ALAD: variants seen among roughly 807,000 people sequenced by gnomAD.
The protein encoded by ALAD is aminolevulinate dehydratase.
Under a neutral mutation model 44.4 loss-of-function variants are expected in ALAD, and 20 were observed. The ratio of observed to expected loss-of-function variants is 0.45; its 90% CI spans 0.32 to 0.65. ALAD has a LOEUF of 0.65. Ranked by LOEUF, ALAD falls within the 30% of genes least tolerant of loss-of-function variation. The pLI, the probability that ALAD is intolerant of heterozygous loss-of-function variation, is 0.05. For synonymous variants in ALAD, 156 were observed against 167.9 expected, an observed-to-expected ratio of 0.93 and a Z score of 0.55; for missense variants, 323 against 445.7, an observed-to-expected ratio of 0.72 and a Z score of 2.48.
In ALAD at chr9:113,388,299, A is replaced by C. The variant is rs769534528; in HGVS notation, c.*1T>G. On this transcript the variant is annotated 3_prime_UTR_variant, in exon 12 of 12. Coordinates refer to ENST00000409155, the MANE Select transcript of ALAD (RefSeq NM_000031.6). ...AGTTCTTGGGCCTGGCACTGTCTCC[A>C]TCATTCCTCCTTCAGCCACTGCAGC... The C allele has an allele frequency of 1.2e-6, 2 of 1,614,164 alleles. No homozygotes were observed. The highest frequency in any genetic ancestry group is 2.2e-5 in the East Asian group (1 of 44,882).
chr9:113,400,914 C>T (rs796130727), intron 1 of ALAD, among the ~76,000 whole-genome samples: 4 of 152,328 alleles, frequency 2.6e-5, no homozygotes, highest in African/African-American at 9.6e-5. Context: ...CCCTACCCCC[C>T]CACCAACCAC....
intron 2 of ALAD, 71 bp from the exon 3 acceptor site, chr9:113,392,240 G>C (rs906607784): frequency 6.2e-7 from 1 of 1,610,644 alleles, no homozygotes; most frequent in Admixed American, 1.7e-5. Flanking sequence ...CGACTGAGAG[G>C]GATGGTTGGG....
chr9:113,393,510 C>A lies in ALAD; in HGVS notation c.50G>T (p.Arg17Leu). ...GGTGGTGGTGGCTGTCTGCCAGGCC[C>A]GAAGTAGTGGGTGGAAGTAGCCGCT... ...LHSGYFHPLL[R>L]AWQTATTTLN... Residue 17 changes from arginine (R) to leucine (L), a missense_variant, in exon 2 of 12, where the codon CGG becomes CTG. Arg to Leu is a moderately radical substitution (Grantham distance 102). Transcript: ENST00000409155. The A allele has an allele frequency of 6.2e-7, 1 of 1,613,988 alleles. No homozygotes were observed. Among genetic ancestry groups the A allele is most frequent in the Non-Finnish European group, 8.5e-7 (1 of 1,180,028 alleles).
chr9:113,398,809 T>A (rs1827794146), intron 1 of ALAD, among the ~76,000 whole-genome samples: 2 of 152,172 alleles, frequency 1.3e-5, no homozygotes, highest in Non-Finnish European at 2.9e-5. Context: ...TAAGAGGTAC[T>A]TAATAAGTGG....
At chr9:113,390,363 G>C (rs1294820665) in intron 7 of ALAD, 42 bp downstream of exon 7, 2 of 1,586,772 alleles carry the variant, frequency 1.3e-6, no homozygotes, top group East Asian at 4.5e-5. Flanking sequence ...GGCTGGTGCA[G>C]ACTATCTCCT....
intron 2 of ALAD, chr9:113,392,370 G>A (rs1564373525): frequency 7.0e-7 from 1 of 1,421,278 alleles, no homozygotes; most frequent in Non-Finnish European, 9.4e-7. Context: ...GAATAACAGT[G>A]ACAACACTAG....
chr9:113,388,371 G>C lies in ALAD; in HGVS notation c.932-10C>G, dbSNP rs377627387. ...ATGATGATGTCAGCACCTGTGTTGG[G>C]AGAGATGCAGAAAGTTGCTGGGGGG... On this transcript the variant is annotated splice_polypyrimidine_tract_variant and intron_variant, in intron 11 of 11. Transcript: ENST00000409155. 4 of 1,613,826 alleles carry C rather than the reference G, an allele frequency of 2.5e-6. No individual in the cohort carries two copies. The highest frequency in any genetic ancestry group is 2.2e-5 in the South Asian group (2 of 91,062).
At position 113,389,058 on chromosome 9, in the gene ALAD, T is replaced by C. The variant is rs1827490694; in HGVS notation, c.850A>G (p.Met284Val). The change falls in exon 11 of 12, where the codon ATG becomes GTG. Residue 284 changes from methionine to valine, a missense_variant. Physicochemically the swap from Met to Val is conservative, Grantham distance 21. Transcript: ENST00000409155. ...CCGGCCTGGGCTCCATGCCACAGCATGGCAAACTCTCCAGAGACGTGGTAC... is the reference window on the plus strand; with the variant it reads ...CCGGCCTGGGCTCCATGCCACAGCACGGCAAACTCTCCAGAGACGTGGTAC... ...AVYHVSGEFA[M>V]LWHGAQAGAF... is the part of the protein sequence containing the mutation. 1.9e-6 allele frequency: 3 copies of C among 1,613,958 alleles called. No individual in the cohort carries two copies. The highest frequency in any genetic ancestry group is 1.3e-5 in the African/African-American group (1 of 75,054).
rs946775117 is a variant in ALAD, at chr9:113,393,179, C to T, written c.113+268G>A. 1.9e-5 allele frequency: 10 copies of T among 516,750 alleles called. 1 individual carries two copies. The highest frequency in any genetic ancestry group is 1.0e-4 in the South Asian group (5 of 49,400). 32.0% of individuals were successfully genotyped at this position (516,750 alleles called of 1,614,324 possible). On this transcript the variant is annotated intron_variant, in intron 2 of 11. Coordinates refer to ENST00000409155, the MANE Select transcript of ALAD (RefSeq NM_000031.6). ...TACAATGTACAGAGCACCTTCTCAG[C>T]TTCTGTCTTACTGCAAGAGCTCAGG... is the stretch of plus-strand genomic sequence containing the variant.
rs374069780 is a variant in ALAD, at chr9:113,389,459, G to T, written c.780C>A (p.Ile260=). ...MVKPGMPYLD[I]VREVKDKHPD... is the part of the protein sequence containing the mutation. The stretch of plus-strand genomic sequence containing the variant: ...TCACCTTGTCCTTTACCTCCCGCAC[G>T]ATGTCCAGGTAGGGCATTCCCGGCT... Residue 260 remains isoleucine (I), a synonymous_variant, in exon 10 of 12, where the codon ATC becomes ATA. Transcript: ENST00000409155. 138 of 1,613,656 alleles carry T rather than the reference G, an allele frequency of 8.6e-5. No homozygotes were observed. Among genetic ancestry groups the T allele is most frequent in the Non-Finnish European group, 1.1e-4 (131 of 1,180,036 alleles).
intron 10 of ALAD, 103 bp downstream of exon 10, chr9:113,389,335 A>C: frequency 7.1e-7 from 1 of 1,414,554 alleles, no homozygotes; most frequent in Non-Finnish European, 9.9e-7. Flanking sequence ...GGAGGAGAGG[A>C]TGCATGCTTA....
In ALAD at chr9:113,389,541, T is replaced by C; in HGVS notation, c.715-17A>G. ...ATCCCGGTCCTAAGGGATGAGGGTATAATGTGGGTGGTGCCTAGGAGGGGG... is the reference window on the plus strand; with the variant it reads ...ATCCCGGTCCTAAGGGATGAGGGTACAATGTGGGTGGTGCCTAGGAGGGGG... On this transcript the variant is annotated splice_polypyrimidine_tract_variant and intron_variant, in intron 9 of 11. Transcript: ENST00000409155. 1 of 1,614,140 alleles carries C rather than the reference T, an allele frequency of 6.2e-7. No homozygotes were observed. The highest frequency in any genetic ancestry group is 1.7e-4 in the Middle Eastern group (1 of 6,056).
chr9:113,393,418 A>C, intron 2 of ALAD, 29 bp downstream of exon 2: 2 of 1,278,724 alleles, frequency 1.6e-6, no homozygotes, highest in Non-Finnish European at 2.2e-6. Flanking sequence ...CCAGCAGAGC[A>C]GAGGCCTGGC....
rs1564369769 is a variant in ALAD, at chr9:113,389,798, C to G, written c.601G>C (p.Ala201Pro). Residue 201 changes from alanine to proline, a missense_variant, in exon 8 of 12, where the codon GCT becomes CCT. Physicochemically the swap from Ala to Pro is conservative, Grantham distance 27. Transcript: ENST00000409155. ...CGGAAAGGGCCATAGAAACAGGAAG[C>G]AAATTTGGCACTGTAGCTCATCACC... is the stretch of plus-strand genomic sequence containing the variant. ...VSVMSYSAKFASCFYGPFRDA... is the reference protein window; with the variant it reads ...VSVMSYSAKFPSCFYGPFRDA... 1 of 1,614,226 alleles carries G rather than the reference C, an allele frequency of 6.2e-7. No individual in the cohort carries two copies. Among genetic ancestry groups the G allele is most frequent in the East Asian group, 2.2e-5 (1 of 44,884 alleles).
At chr9:113,389,323 G>C in intron 10 of ALAD, 115 bp downstream of exon 10, 1 of 1,358,556 alleles carries the variant, frequency 7.4e-7, no homozygotes, top group Non-Finnish European at 1.0e-6. Context: ...GGGCAGGGAA[G>C]GGGAGGAGAG....
At chr9:113,392,943 A>C (rs1439656084) in intron 2 of ALAD, among the ~76,000 whole-genome samples, 4 of 147,420 alleles carry the variant, frequency 2.7e-5, no homozygotes, top group African/African-American at 5.1e-5. Context: ...TCAGCCTCCC[A>C]AGTAGCTGGG....
rs933972600 is a variant in ALAD, at chr9:113,391,617, A to C, written c.171T>G (p.Gly57=). The C allele has an allele frequency of 6.2e-7, 1 of 1,613,824 alleles. No homozygotes were observed. The highest frequency in any genetic ancestry group is 8.5e-7 in the Non-Finnish European group (1 of 1,179,850). ...ITSLPGVARY[G]VKRLEEMLRP... ...TCAGCATCTCTTCCAGCCGCTTCAC[A>C]CCATACCTGTGTGGGTGTGGGTAGA... The change falls in exon 4 of 12, where the codon GGT becomes GGG. Residue 57 remains glycine (G), a synonymous_variant. Coordinates refer to ENST00000409155, the MANE Select transcript of ALAD (RefSeq NM_000031.6).
In ALAD at chr9:113,390,966, T is replaced by C. The variant is rs183182019; in HGVS notation, c.262-33A>G. 17 of 1,613,312 alleles carry C rather than the reference T, an allele frequency of 1.1e-5. No individual in the cohort carries two copies. In the Admixed American group the frequency reaches 1.5e-4, roughly 14 times the overall value. On this transcript the variant is annotated intron_variant, in intron 4 of 11. Coordinates refer to ENST00000409155, the MANE Select transcript of ALAD (RefSeq NM_000031.6). ...CAGGGGAGGGACAAAGCAGTGTGTCTATTACATGTAGCTTTGGAAGGCAGG... is the reference window on the plus strand; with the variant it reads ...CAGGGGAGGGACAAAGCAGTGTGTCCATTACATGTAGCTTTGGAAGGCAGG...
At chr9:113,393,884 T>G (rs928218753) in intron 1 of ALAD, among the ~76,000 whole-genome samples, 1 of 152,148 alleles carries the variant, frequency 6.6e-6, no homozygotes, top group Non-Finnish European at 1.5e-5. Context: ...CTGCTTCTTG[T>G]TCATTATTAT....
Sources: allele counts gnomAD v4.1 joint callset (sites outside exome capture counted in the v4.1 genomes callset), GRCh38; gene constraint gnomAD v4.1.1; transcripts MANE v1.5; gene names NCBI Gene and HGNC (gene_info 2026-07-23, HGNC 2026-07-21).